Variants in EIF2B5 observed in about 807,000 individuals in gnomAD.
The protein encoded by EIF2B5 is eukaryotic translation initiation factor 2B subunit epsilon, also known as translation initiation factor eIF2B subunit epsilon.
A neutral mutation model predicts 87.3 loss-of-function variants in EIF2B5; 38 were observed. The observed-to-expected ratio is 0.44, with a 90% CI of 0.34 to 0.57. The LOEUF is 0.57. Ranked by LOEUF, EIF2B5 falls within the 20% of genes least tolerant of loss-of-function variation. The probability of loss-of-function intolerance (pLI) is 0.02; values close to 1 mark genes in which losing one functional copy is unlikely to be tolerated. For synonymous variants in EIF2B5, 313 were observed against 339.6 expected (o/e 0.92, Z 0.86); for missense variants, 784 against 909.5 (o/e 0.86, Z 1.78).
At position 184,143,119 on chromosome 3, in the gene EIF2B5, C is replaced by T. The variant is rs775332719; in HGVS notation, c.1722C>T (p.Leu574=). Residue 574 remains leucine, a synonymous_variant, in exon 12 of 16, where the codon CTC becomes CTT. Coordinates refer to ENST00000648915, the MANE Select transcript of EIF2B5 (RefSeq NM_003907.3). ...GKEENISCDN[L]VLEINSLKYA... is the part of the protein sequence containing the mutation. Reference sequence around the variant, plus strand: ...AGGAGAACATTTCTTGTGACAATCTCGTCCTGGAAATCAACTCTCTCAAGT... The same window carrying T: ...AGGAGAACATTTCTTGTGACAATCTTGTCCTGGAAATCAACTCTCTCAAGT... 5.4e-5 allele frequency: 87 copies of T among 1,613,630 alleles called. 1 individual carries two copies. Among genetic ancestry groups the T allele is most frequent in the South Asian group, 4.3e-4 (39 of 90,942 alleles).
At position 184,144,637 on chromosome 3, in the gene EIF2B5, A is replaced by C. The variant is rs781500160; in HGVS notation, c.2036A>C (p.Glu679Ala). ...TACCAGCTGGAGATCCTGGCTGAGGAAACAATTCTGAGCTGGTTCAGCCAA... is the reference window on the plus strand; with the variant it reads ...TACCAGCTGGAGATCCTGGCTGAGGCAACAATTCTGAGCTGGTTCAGCCAA... The part of the protein sequence containing the change: ...AFYQLEILAE[E>A]TILSWFSQRD... Residue 679 changes from glutamate (E) to alanine (A), a missense_variant, in exon 15 of 16, where the codon GAA becomes GCA. Coordinates refer to ENST00000648915, the MANE Select transcript of EIF2B5 (RefSeq NM_003907.3). 6.2e-7 allele frequency: 1 copy of C among 1,614,088 alleles called. No homozygotes were observed. The highest frequency in any genetic ancestry group is 1.1e-5 in the South Asian group (1 of 91,066).
At chr3:184,138,393 G>C in intron 5 of EIF2B5, 147 bp downstream of exon 5, 1 of 827,074 alleles carries the variant, frequency 1.2e-6, no homozygotes, top group Non-Finnish European at 2.0e-6. Context: ...GTCTCGCTCT[G>C]TTGCCCAGGC....
chr3:184,143,960 C>A, intron 13 of EIF2B5, 139 bp from the exon 14 acceptor site: 1 of 1,335,654 alleles, frequency 7.5e-7, no homozygotes, highest in Non-Finnish European at 1.1e-6. Context: ...CAACAACTCC[C>A]AAGTCCCTCT....
chr3:184,144,365 C>A, intron 14 of EIF2B5, 141 bp downstream of exon 14: 2 of 1,417,288 alleles, frequency 1.4e-6, no homozygotes, highest in African/African-American at 1.4e-5. Context: ...TAGAATAGTA[C>A]AGCTTGGAGC....
At chr3:184,137,863 CT>C in intron 3 of EIF2B5, 34 bp from the exon 4 acceptor site, 1 of 1,614,172 alleles carries the variant, frequency 6.2e-7, no homozygotes, top group Non-Finnish European at 8.5e-7. Flanking sequence ...CCTGAGACTG[CT>C]TTTTTGCAGT....
intron 2 of EIF2B5, 128 bp downstream of exon 2, chr3:184,136,864 G>C: frequency 7.4e-7 from 1 of 1,357,722 alleles, no homozygotes; most frequent in Admixed American, 1.7e-5. Flanking sequence ...AAGTTCTAAG[G>C]GTATTTTCTA....
chr3:184,143,856 C>T lies in EIF2B5; in HGVS notation c.1870-243C>T, dbSNP rs1335607364. On this transcript the variant is annotated intron_variant, in intron 13 of 15. Transcript: ENST00000648915. Reference sequence around the variant, plus strand: ...GCAGCAATTTGACCCAACACAAGATCAGCCTCTGGGGTGGGAATAGGTATT... The same window carrying T: ...GCAGCAATTTGACCCAACACAAGATTAGCCTCTGGGGTGGGAATAGGTATT... The T allele has an allele frequency of 8.7e-6, 6 of 689,854 alleles. No individual in the cohort carries two copies. In the Admixed American group the frequency reaches 1.6e-4, roughly 18 times the overall value. The allele number at this position is 689,854 out of a possible 1,614,324, so 42.7% of individuals were successfully genotyped here. A position where few individuals can be genotyped will look rare whatever the true frequency, so the allele number is the denominator to read the frequency against.
chr3:184,140,780 G>C (rs1375738243), intron 7 of EIF2B5, 50 bp downstream of exon 7: 1 of 1,600,974 alleles, frequency 6.2e-7, no homozygotes, highest in African/African-American at 1.3e-5. Flanking sequence ...CAGGAACCTG[G>C]GGGGGCCACG....
At position 184,144,738 on chromosome 3, in the gene EIF2B5, T is replaced by C. The variant is rs200231215; in HGVS notation, c.2106+31T>C. On this transcript the variant is annotated intron_variant, in intron 15 of 15. Transcript: ENST00000648915. ...TCAGGCTGTCCTCCTCTCGCCAAGA[T>C]GGTTATCTCATTCCCAGGTCCTGGC... is the stretch of plus-strand genomic sequence containing the variant. The C allele has an allele frequency of 2.6e-4, 415 of 1,603,494 alleles. No individual in the cohort carries two copies. The African/African-American group carries it at 5.0e-3, about 20-fold the overall frequency.
intron 1 of EIF2B5, 47 bp downstream of exon 1, chr3:184,135,627 G>T (rs1464857552): frequency 2.6e-6 from 4 of 1,555,116 alleles, no homozygotes; most frequent in Non-Finnish European, 3.5e-6. Context: ...AGGGTGGCAG[G>T]GCTGGAGCAA....
chr3:184,144,117 C>T lies in EIF2B5; in HGVS notation c.1888C>T (p.Pro630Ser). Residue 630 changes from proline (P) to serine (S), a missense_variant, in exon 14 of 16, where the codon CCT becomes TCT. Coordinates refer to ENST00000648915, the MANE Select transcript of EIF2B5 (RefSeq NM_003907.3). ...LLLPLLKAWS[P>S]VFRNYIKRAA... ...TCCATAGCTGCTAAAGGCCTGGAGC[C>T]CTGTTTTTAGGAACTACATAAAGCG... 6.2e-7 allele frequency: 1 copy of T among 1,614,166 alleles called. No individual in the cohort carries two copies. Among genetic ancestry groups the T allele is most frequent in the East Asian group, 2.2e-5 (1 of 44,878 alleles).
chr3:184,143,248 A>G (rs1713722314), intron 12 of EIF2B5, 106 bp downstream of exon 12: 2 of 1,475,338 alleles, frequency 1.4e-6, no homozygotes, highest in Admixed American at 1.9e-5. Flanking sequence ...CGACATCCCA[A>G]ATGGAAAGAC....
At chr3:184,137,830 C>T (rs751590628) in intron 3 of EIF2B5, 25 bp downstream of exon 3, 29 of 1,614,030 alleles carry the variant, frequency 1.8e-5, no homozygotes, top group Non-Finnish European at 2.2e-5. Flanking sequence ...ATGACAGGAA[C>T]AAGGGTTAAA....
intron 5 of EIF2B5, 62 bp downstream of exon 5, chr3:184,138,308 TC>T: frequency 1.4e-6 from 2 of 1,450,320 alleles, no homozygotes; most frequent in Non-Finnish European, 1.9e-6. Flanking sequence ...TCTGTTATTG[TC>T]CCCTTAGAAG....
rs1259388554 is a variant in EIF2B5, at chr3:184,144,919, A to G, written c.2142A>G (p.Glu714=). The G allele has an allele frequency of 6.2e-7, 1 of 1,613,630 alleles. No individual in the cohort carries two copies. The highest frequency in any genetic ancestry group is 1.3e-5 in the African/African-American group (1 of 74,908). ...TCATCCAGTGGCTAAAAGAGGCAGAAGAGGAGTCATCTGAAGATGACTGAA... is the reference window on the plus strand; with the variant it reads ...TCATCCAGTGGCTAAAAGAGGCAGAGGAGGAGTCATCTGAAGATGACTGAA... ...QRFIQWLKEA[E]EESSEDD Residue 714 remains glutamate, a synonymous_variant, in exon 16 of 16, where the codon GAA becomes GAG. Transcript: ENST00000648915.
intron 13 of EIF2B5, 130 bp from the exon 14 acceptor site, chr3:184,143,969 C>G (rs1713751829): frequency 7.1e-7 from 1 of 1,416,184 alleles, no homozygotes; most frequent in Middle Eastern, 2.1e-4. Context: ...CCAAGTCCCT[C>G]TGACATAATT....
At position 184,142,019 on chromosome 3, in the gene EIF2B5, T is replaced by G. The variant is rs1166442858; in HGVS notation, c.1251T>G (p.Ala417=). Residue 417 remains alanine (A), a synonymous_variant, in exon 8 of 16, where the codon GCT becomes GCG. Coordinates refer to ENST00000648915, the MANE Select transcript of EIF2B5 (RefSeq NM_003907.3). The surrounding 1 kb of genome is among the most constrained non-coding windows in gnomAD (Gnocchi z 5.0). The part of the protein sequence containing the change: ...QIHQSLLCDN[A]EVKERVTLKP... The stretch of plus-strand genomic sequence containing the variant: ...ATCAGTCTCTGCTTTGTGACAATGC[T>G]GAGGTCAAGGAACGAGTGACACTGA... The G allele has an allele frequency of 6.2e-7, 1 of 1,614,016 alleles. No homozygotes were observed. Among genetic ancestry groups the G allele is most frequent in the African/African-American group, 1.3e-5 (1 of 74,896 alleles).
chr3:184,142,434 C>G lies in EIF2B5; in HGVS notation c.1444+56C>G. ...TGTGTCTCGCTGCCTCATAGAAGAA[C>G]CAGTGTTTCCTCCTGGAGGGATTGG... On this transcript the variant is annotated intron_variant, in intron 9 of 15. Transcript: ENST00000648915. The surrounding 1 kb of genome is among the most constrained non-coding windows in gnomAD (Gnocchi z 5.0). 1 of 1,614,150 alleles carries G rather than the reference C, an allele frequency of 6.2e-7. No individual in the cohort carries two copies. Among genetic ancestry groups the G allele is most frequent in the South Asian group, 1.1e-5 (1 of 91,078 alleles).
chr3:184,136,923 G>A (rs938660226), intron 2 of EIF2B5, 187 bp downstream of exon 2: 18 of 790,478 alleles, frequency 2.3e-5, no homozygotes, highest in Middle Eastern at 6.8e-4. Flanking sequence ...TCTGTCTTGG[G>A]TTTTCTGTGA....
Sources: gnomAD v4.1 joint callset for allele counts on GRCh38, gnomAD v4.1.1 for gene constraint, Gnocchi (gnomAD v3.1) non-coding constraint, MANE v1.5 for transcripts, NCBI Gene and HGNC (gene_info 2026-07-23, HGNC 2026-07-21) for gene names.